The following ST6GALNAC3 variants were observed in gnomAD, a reference collection of about 807,000 sequenced individuals.
ST6GALNAC3 encodes alpha-N-acetylgalactosaminide alpha-2,6-sialyltransferase 3.
A neutral mutation model predicts 32.7 loss-of-function variants in ST6GALNAC3; 25 were observed. The observed-to-expected ratio is 0.76, with a 90% CI of 0.56 to 1.07. The LOEUF (loss-of-function observed/expected upper bound fraction) is 1.07, where lower values mean the gene tolerates loss of function less well. Among genes scored for constraint, ST6GALNAC3 ranks in the 50% least tolerant of loss-of-function variants. ST6GALNAC3 has a pLI of 0.00. For synonymous variants in ST6GALNAC3, 129 were observed against 133.1 expected (o/e 0.97, Z 0.21); for missense variants, 355 against 382.4 (o/e 0.93, Z 0.60).
At chr1:76,608,041 C>T (rs939139330) in intron 3 of ST6GALNAC3, among the ~76,000 whole-genome samples, 8 of 152,202 alleles carry the variant, frequency 5.3e-5, no homozygotes, top group Admixed American at 5.2e-4. Context: ...CTGTGACAGA[C>T]TCCAACTAAA....
intron 2 of ST6GALNAC3, among the ~76,000 whole-genome samples, chr1:76,382,039 TGGCAGATTC>T (rs1651750539): frequency 6.6e-6 from 1 of 152,132 alleles, no homozygotes; most frequent in Admixed American, 6.5e-5. Context: ...TTTATAAACA[TGGCAGATTC>T]TCAATTGAGA....
chr1:76,135,712 A>C (rs1474892825), intron 1 of ST6GALNAC3, among the ~76,000 whole-genome samples: 4 of 152,196 alleles, frequency 2.6e-5, no homozygotes, highest in African/African-American at 9.7e-5. Context: ...CTGTCACCCA[A>C]GATAGGATTT....
chr1:76,450,284 G>A (rs1258076245), intron 3 of ST6GALNAC3, among the ~76,000 whole-genome samples: 1 of 151,932 alleles, frequency 6.6e-6, no homozygotes, highest in Non-Finnish European at 1.5e-5. Context: ...GAGTAAGGTG[G>A]CATCACAAAA....
At chr1:76,380,414 G>A (rs921342493) in intron 2 of ST6GALNAC3, among the ~76,000 whole-genome samples, 7 of 152,154 alleles carry the variant, frequency 4.6e-5, no homozygotes, top group Non-Finnish European at 1.0e-4. Context: ...GCTATTGTTA[G>A]AATTGAACAT....
At chr1:76,472,756 T>G (rs1326086715) in intron 3 of ST6GALNAC3, among the ~76,000 whole-genome samples, 1 of 152,074 alleles carries the variant, frequency 6.6e-6, no homozygotes, top group Admixed American at 6.6e-5. Flanking sequence ...AGCTGTTGTT[T>G]TTGGTGCACG....
intron 1 of ST6GALNAC3, among the ~76,000 whole-genome samples, chr1:76,306,429 G>C (rs1039417035): frequency 6.6e-6 from 1 of 152,022 alleles, no homozygotes; most frequent in Non-Finnish European, 1.5e-5. Flanking sequence ...TTAAAAAAAA[G>C]TTTAAAAGTA....
intron 3 of ST6GALNAC3, among the ~76,000 whole-genome samples, chr1:76,591,001 A>G (rs1647038639): frequency 6.6e-6 from 1 of 152,224 alleles, no homozygotes; most frequent in African/African-American, 2.4e-5. Context: ...TAATCAAAGA[A>G]TAATATAAAT....
chr1:76,525,775 G>GTT (rs1212980429), intron 3 of ST6GALNAC3, among the ~76,000 whole-genome samples: 4 of 77,558 alleles, frequency 5.2e-5, no homozygotes, highest in Non-Finnish European at 1.1e-4. Flanking sequence ...GTGTGTTTGT[G>GTT]TGTGTGTGTG....
intron 1 of ST6GALNAC3, among the ~76,000 whole-genome samples, chr1:76,232,878 A>G (rs963761743): frequency 6.6e-6 from 1 of 152,164 alleles, no homozygotes; most frequent in Non-Finnish European, 1.5e-5. Flanking sequence ...TGAGTGTGTA[A>G]TCCAGGAGGC....
intron 2 of ST6GALNAC3, among the ~76,000 whole-genome samples, chr1:76,382,962 G>A (rs1479595477): frequency 6.6e-6 from 1 of 152,102 alleles, no homozygotes; most frequent in East Asian, 1.9e-4. Flanking sequence ...AGGTACGTTA[G>A]AACGAAACTG....
intron 3 of ST6GALNAC3, among the ~76,000 whole-genome samples, chr1:76,578,438 G>A (rs1161758265): frequency 1.3e-5 from 2 of 151,982 alleles, no homozygotes; most frequent in Non-Finnish European, 2.9e-5. Flanking sequence ...ATTTCATCGG[G>A]CTAGCATTTC....
chr1:76,513,856 G>A (rs1223248510), intron 3 of ST6GALNAC3, among the ~76,000 whole-genome samples: 1 of 151,974 alleles, frequency 6.6e-6, no homozygotes, highest in African/African-American at 2.4e-5. Flanking sequence ...ATAGTTTTCA[G>A]TGTAGAGATC....
intron 1 of ST6GALNAC3, among the ~76,000 whole-genome samples, chr1:76,225,433 C>A (rs1656010585): frequency 1.3e-5 from 2 of 151,948 alleles, no homozygotes; most frequent in African/African-American, 4.8e-5. Context: ...TTGAGAATAG[C>A]CATTAATGAA....
intron 3 of ST6GALNAC3, among the ~76,000 whole-genome samples, chr1:76,565,448 C>G (rs925932032): frequency 2.0e-5 from 3 of 152,134 alleles, no homozygotes; most frequent in African/African-American, 7.2e-5. Flanking sequence ...CATTTCTCCC[C>G]ACAGGAAAAT....
intron 1 of ST6GALNAC3, among the ~76,000 whole-genome samples, chr1:76,141,600 A>G (rs1277234380): frequency 6.6e-6 from 1 of 152,214 alleles, no homozygotes; most frequent in Non-Finnish European, 1.5e-5. Flanking sequence ...GTTTACTTAT[A>G]GCAAAAAAAG....
At chr1:76,489,283 T>G (rs1003252846) in intron 3 of ST6GALNAC3, among the ~76,000 whole-genome samples, 2 of 151,424 alleles carry the variant, frequency 1.3e-5, no homozygotes, top group African/African-American at 4.8e-5. Flanking sequence ...ATTTTGCAGG[T>G]GTGTGTGTGT....
At chr1:76,093,878 G>A (rs1162026024) in intron 1 of ST6GALNAC3, among the ~76,000 whole-genome samples, 1 of 152,196 alleles carries the variant, frequency 6.6e-6, no homozygotes, top group Non-Finnish European at 1.5e-5. Context: ...ACATAAGCCA[G>A]ATGCCACATA....
At chr1:76,112,825 C>T (rs1260052594) in intron 1 of ST6GALNAC3, among the ~76,000 whole-genome samples, 1 of 151,710 alleles carries the variant, frequency 6.6e-6, no homozygotes, top group Non-Finnish European at 1.5e-5. Context: ...GGGTTGGTGG[C>T]GGGGCAGAGA....
intron 3 of ST6GALNAC3, among the ~76,000 whole-genome samples, chr1:76,521,170 A>G (rs758542747): frequency 6.6e-6 from 1 of 152,136 alleles, no homozygotes; most frequent in East Asian, 1.9e-4. Flanking sequence ...ATACAACCTT[A>G]TAACACTTTA....
Sources: allele counts gnomAD v4.1 joint callset (sites outside exome capture counted in the v4.1 genomes callset), GRCh38; gene constraint gnomAD v4.1.1; transcripts MANE v1.5; gene names NCBI Gene and HGNC (gene_info 2026-07-23, HGNC 2026-07-21).